The following UNC5C variants were observed in gnomAD, a reference collection of about 807,000 sequenced individuals.
UNC5C encodes the protein netrin receptor UNC5C.
Under a neutral mutation model 99.8 loss-of-function variants are expected in UNC5C, and 47 were observed. The ratio of observed to expected loss-of-function variants is 0.47; its 90% CI spans 0.37 to 0.60. The LOEUF is 0.60. UNC5C is among the 20% of genes least tolerant of loss of function. The probability of loss-of-function intolerance (pLI) is 0.00; values close to 1 mark genes in which losing one functional copy is unlikely to be tolerated. For missense variants in UNC5C, 1,062 were observed against 1,165.9 expected, an observed-to-expected ratio of 0.91 and a Z score of 1.30; for synonymous variants, 487 against 452.2, an observed-to-expected ratio of 1.08 and a Z score of -0.98.
intron 1 of UNC5C, among the ~76,000 whole-genome samples, chr4:95,338,196 T>C (rs1158554761): frequency 1.3e-5 from 2 of 152,044 alleles, no homozygotes; most frequent in Non-Finnish European, 2.9e-5. Context: ...ACCATCGAAG[T>C]TGGTCCCACC....
At chr4:95,490,048 C>G (rs1721437882) in intron 1 of UNC5C, among the ~76,000 whole-genome samples, 1 of 151,344 alleles carries the variant, frequency 6.6e-6, no homozygotes, top group Admixed American at 6.6e-5. Context: ...GAAGGGGACC[C>G]CAGATGGAGT....
At chr4:95,451,799 A>C (rs1248903731) in intron 1 of UNC5C, among the ~76,000 whole-genome samples, 1 of 152,190 alleles carries the variant, frequency 6.6e-6, no homozygotes, top group Non-Finnish European at 1.5e-5. Flanking sequence ...ATTATAACAA[A>C]TGAGATAAAT....
chr4:95,347,601 T>C (rs1743825114), intron 1 of UNC5C, among the ~76,000 whole-genome samples: 2 of 151,770 alleles, frequency 1.3e-5, no homozygotes, highest in South Asian at 4.2e-4. Context: ...AGAAACAAAT[T>C]CATACACCTA....
chr4:95,526,941 T>C lies in UNC5C; in HGVS notation c.124+21793A>G, dbSNP rs77927008. Among the ~76,000 whole-genome samples, 68 of 152,190 alleles carry C rather than the reference T, an allele frequency of 4.5e-4. No individual in the cohort carries two copies. The East Asian group carries it at 0.011, about 25-fold the overall frequency. ...TGAAAGTTGAATTTTATTAAAAGAA[T>C]ATGTAGCACTAAAAGAAACCAATAA... On this transcript the variant is annotated intron_variant, in intron 1 of 15. Coordinates refer to ENST00000453304, the MANE Select transcript of UNC5C (RefSeq NM_003728.4).
intron 1 of UNC5C, among the ~76,000 whole-genome samples, chr4:95,387,248 C>T (rs1157585720): frequency 3.3e-5 from 5 of 152,122 alleles, no homozygotes; most frequent in Non-Finnish European, 7.4e-5. Context: ...AAGCCATCCT[C>T]CCACCTCAGC....
chr4:95,541,796 T>C (rs1387788405), intron 1 of UNC5C, among the ~76,000 whole-genome samples: 1 of 152,094 alleles, frequency 6.6e-6, no homozygotes, highest in Admixed American at 6.6e-5. Flanking sequence ...AATATCCACA[T>C]ATAAGGTGGT....
intron 2 of UNC5C, among the ~76,000 whole-genome samples, chr4:95,318,495 T>G (rs1283450924): frequency 1.3e-5 from 2 of 152,194 alleles, no homozygotes; most frequent in Non-Finnish European, 1.5e-5. Context: ...AAAGCCTGGA[T>G]GCAGAAATCT....
chr4:95,209,104 A>T (rs1347163167), intron 10 of UNC5C, among the ~76,000 whole-genome samples: 1 of 152,334 alleles, frequency 6.6e-6, no homozygotes, highest in South Asian at 2.1e-4. Context: ...CCCTAAGCTC[A>T]TAGATCCTTT....
intron 1 of UNC5C, among the ~76,000 whole-genome samples, chr4:95,536,486 A>T (rs569965202): frequency 3.9e-5 from 6 of 152,182 alleles, no homozygotes; most frequent in Non-Finnish European, 7.3e-5. Flanking sequence ...TTTTTCTAAA[A>T]CCTATTCCAA....
intron 1 of UNC5C, among the ~76,000 whole-genome samples, chr4:95,344,283 C>T (rs190636081): frequency 8.5e-5 from 13 of 152,138 alleles, no homozygotes; most frequent in African/African-American, 2.6e-4. Flanking sequence ...GATAGAGTGG[C>T]CTGCCATATT....
rs150540411 is a variant in UNC5C, at chr4:95,507,258, T to C, written c.124+41476A>G. Among the ~76,000 whole-genome samples, 4 of 152,150 alleles carry C rather than the reference T, an allele frequency of 2.6e-5. No homozygotes were observed. The East Asian group carries it at 7.7e-4, about 29-fold the overall frequency. On this transcript the variant is annotated intron_variant, in intron 1 of 15. Transcript: ENST00000453304. ...GCAGATACAAAGGAAAGTGTTTATCTATTTAAACTGACCAGAAAAAATGAG... is the reference window on the plus strand; with the variant it reads ...GCAGATACAAAGGAAAGTGTTTATCCATTTAAACTGACCAGAAAAAATGAG...
rs185191223 is a variant in UNC5C, at chr4:95,235,915, A to T, written c.1108+6514T>A. 5.6e-3 allele frequency among the ~76,000 whole-genome samples: 859 copies of T among 152,334 alleles called. 34 individuals carry two copies. Among genetic ancestry groups the T allele is most frequent in the Admixed American group, 0.048 (734 of 15,304 alleles). ...TCTCACACCAGTTAGAATGGTGATCATTAAAAAGTCAGGAAACAACAGGTG... is the reference window on the plus strand; with the variant it reads ...TCTCACACCAGTTAGAATGGTGATCTTTAAAAAGTCAGGAAACAACAGGTG... On this transcript the variant is annotated intron_variant, in intron 7 of 15. Coordinates refer to ENST00000453304, the MANE Select transcript of UNC5C (RefSeq NM_003728.4).
chr4:95,396,788 C>T (rs543377795), intron 1 of UNC5C, among the ~76,000 whole-genome samples: 1 of 152,098 alleles, frequency 6.6e-6, no homozygotes, highest in Admixed American at 6.5e-5. Context: ...AACAAAGTTG[C>T]AACCAAGAAA....
chr4:95,347,089 AC>A (rs1222849009), intron 1 of UNC5C, among the ~76,000 whole-genome samples: 1 of 152,196 alleles, frequency 6.6e-6, no homozygotes, highest in African/African-American at 2.4e-5. Context: ...GGGTCAACAT[AC>A]AAAAATCGGT....
chr4:95,254,330 C>T (rs1739870757), intron 4 of UNC5C, among the ~76,000 whole-genome samples: 1 of 152,156 alleles, frequency 6.6e-6, no homozygotes, highest in Admixed American at 6.6e-5. Context: ...CCTCTAAGGT[C>T]ACACATTCTA....
intron 14 of UNC5C, among the ~76,000 whole-genome samples, chr4:95,176,946 G>GTGCCGTTGTC (rs1485798207): frequency 1.3e-5 from 2 of 152,140 alleles, no homozygotes; most frequent in Non-Finnish European, 2.9e-5. Context: ...ATCTCCTGGT[G>GTGCCGTTGTC]TGCCGTTTTT....
chr4:95,214,549 T>G (rs750096170), intron 10 of UNC5C, among the ~76,000 whole-genome samples: 10 of 152,252 alleles, frequency 6.6e-5, no homozygotes, highest in Non-Finnish European at 1.5e-4. Context: ...AAGGAAAGTA[T>G]GGGGAGAGCA....
intron 1 of UNC5C, among the ~76,000 whole-genome samples, chr4:95,455,935 T>C (rs997655211): frequency 1.3e-5 from 2 of 152,112 alleles, no homozygotes; most frequent in Admixed American, 1.3e-4. Flanking sequence ...AGTATTCCTA[T>C]GAAATGAGAT....
chr4:95,497,782 A>G (rs187708761), intron 1 of UNC5C, among the ~76,000 whole-genome samples: 11 of 152,140 alleles, frequency 7.2e-5, no homozygotes, highest in African/African-American at 2.6e-4. Flanking sequence ...CAAAGGTGAA[A>G]AGCATAATAA....
Sources: allele counts gnomAD v4.1 joint callset (sites outside exome capture counted in the v4.1 genomes callset), GRCh38; gene constraint gnomAD v4.1.1; transcripts MANE v1.5; gene names NCBI Gene and HGNC (gene_info 2026-07-23, HGNC 2026-07-21).